MYO3A: variants seen among roughly 807,000 people sequenced by gnomAD.
MYO3A encodes myosin IIIA.
A neutral mutation model predicts 192.7 loss-of-function variants in MYO3A; 180 were observed. The observed-to-expected ratio is 0.93, with a 90% confidence interval of 0.83 to 1.06. MYO3A has a LOEUF of 1.06. Ranked by LOEUF, MYO3A falls within the 50% of genes least tolerant of loss-of-function variation. The probability of loss-of-function intolerance (pLI) is 0.00; values close to 1 mark genes in which losing one functional copy is unlikely to be tolerated. For synonymous variants in MYO3A, 628 were observed against 645.3 expected, an observed-to-expected ratio of 0.97 and a Z score of 0.41; for missense variants, 1,896 against 1,905.0, an observed-to-expected ratio of 1.00 and a Z score of 0.09.
chr10:26,203,336 T>G (rs1403666331), intron 34 of MYO3A, among the ~76,000 whole-genome samples: 1 of 152,116 alleles, frequency 6.6e-6, no homozygotes, highest in East Asian at 1.9e-4. Flanking sequence ...TTTCTTGGAG[T>G]AATTATTAAC....
At chr10:26,209,930 T>C (rs1844147570) in intron 34 of MYO3A, among the ~76,000 whole-genome samples, 1 of 151,964 alleles carries the variant, frequency 6.6e-6, no homozygotes. Flanking sequence ...ATCCTGTCTT[T>C]ACAAAAACAT....
chr10:26,140,412 G>A (rs1212590372), intron 20 of MYO3A, among the ~76,000 whole-genome samples: 1 of 152,130 alleles, frequency 6.6e-6, no homozygotes, highest in Non-Finnish European at 1.5e-5. Context: ...GGCTGGGCAC[G>A]GTGGCTCACG....
intron 10 of MYO3A, among the ~76,000 whole-genome samples, chr10:26,052,873 A>G (rs1196933810): frequency 6.6e-6 from 1 of 152,162 alleles, no homozygotes; most frequent in African/African-American, 2.4e-5. Context: ...ATAAAGCTAT[A>G]TTAACCACCC....
intron 22 of MYO3A, among the ~76,000 whole-genome samples, chr10:26,145,920 G>T (rs1840436594): frequency 6.6e-6 from 1 of 152,224 alleles, no homozygotes. Flanking sequence ...AGCTGGCAAT[G>T]GTTACCTATT....
chr10:26,145,827 T>C (rs1840431655), intron 22 of MYO3A, among the ~76,000 whole-genome samples: 1 of 152,158 alleles, frequency 6.6e-6, no homozygotes, highest in South Asian at 2.1e-4. Flanking sequence ...AAGTTTATAG[T>C]TTTTCTAGAG....
intron 15 of MYO3A, 52 bp from the exon 16 acceptor site, chr10:26,096,329 A>T: frequency 7.7e-7 from 1 of 1,295,412 alleles, no homozygotes; most frequent in Non-Finnish European, 1.1e-6. Flanking sequence ...CAAGTAACTT[A>T]AGCAAGAAAT....
In MYO3A at chr10:26,177,120, T is replaced by G. The variant is rs6415977; in HGVS notation, c.4438+275T>G. Among the ~76,000 whole-genome samples the G allele has an allele frequency of 0.84, 127,467 of 151,604 alleles. 53,987 individuals carry two copies. The highest frequency in any genetic ancestry group is 0.95 in the East Asian group (4,919 of 5,152). ...TGACGCCACAAGGGAATAAAAGGGG[T>G]TGGTATAGAGAGGGGGGCTGGCAGG... On this transcript the variant is annotated intron_variant, in intron 31 of 34. Coordinates refer to ENST00000642920, the MANE Select transcript of MYO3A (RefSeq NM_017433.5).
rs143371522 is a variant in MYO3A, at chr10:26,157,365, G to T, written c.2849G>T (p.Arg950Leu). 1 of 1,614,074 alleles carries T rather than the reference G, an allele frequency of 6.2e-7. No homozygotes were observed. The highest frequency in any genetic ancestry group is 2.2e-5 in the East Asian group (1 of 44,868). Residue 950 changes from arginine to leucine, a missense_variant, in exon 26 of 35, where the codon CGT becomes CTT. Arg to Leu is a moderately radical substitution (Grantham distance 102, BLOSUM62 -2). Coordinates refer to ENST00000642920, the MANE Select transcript of MYO3A (RefSeq NM_017433.5). ...KMVVGQPHFV[R>L]CIKPNSERQA... ...GTGGTGGGCCAACCTCATTTTGTCC[G>T]TTGCATCAAACCAAATAGTGAGCGT...
At chr10:26,147,582 G>A (rs991986699) in intron 23 of MYO3A, 23 bp downstream of exon 23, 5 of 1,613,494 alleles carry the variant, frequency 3.1e-6, no homozygotes, top group East Asian at 4.5e-5. Context: ...TCCTTACCTG[G>A]AAGTTTTCTG....
At chr10:25,948,121 C>T (rs193059519) in intron 2 of MYO3A, among the ~76,000 whole-genome samples, 326 of 152,100 alleles carry the variant, frequency 2.1e-3, no homozygotes, top group African/African-American at 7.2e-3. Context: ...AGGGTGTGAA[C>T]CATGTCAATA....
chr10:26,193,580 A>G (rs182557254), intron 32 of MYO3A, among the ~76,000 whole-genome samples: 1 of 152,300 alleles, frequency 6.6e-6, no homozygotes, highest in African/African-American at 2.4e-5. Flanking sequence ...ATGAGCTGAT[A>G]TGAAAATATC....
Position 26,075,048 on chromosome 10 carries a change from G to A in MYO3A, c.1359+4647G>A, listed in dbSNP as rs80339630. On this transcript the variant is annotated intron_variant, in intron 14 of 34. Transcript: ENST00000642920. ...TGCCCCTGTCAAAAATCAGTTGACC[G>A]TAAATGTTTGGGTTTATTTGAGGGC... 9.1e-4 allele frequency among the ~76,000 whole-genome samples: 139 copies of A among 152,032 alleles called. 2 individuals are homozygous for A. The East Asian group carries it at 0.021, about 23-fold the overall frequency.
intron 34 of MYO3A, among the ~76,000 whole-genome samples, chr10:26,211,323 A>G (rs1329245296): frequency 6.6e-6 from 1 of 152,206 alleles, no homozygotes; most frequent in African/African-American, 2.4e-5. Context: ...GCCTCATTGA[A>G]AACATTGAAA....
Position 26,176,734 on chromosome 10 carries a change from C to A in MYO3A, c.4327C>A (p.Gln1443Lys), listed in dbSNP as rs770343132. The change falls in exon 31 of 35, where the codon CAG becomes AAG. Residue 1443 changes from glutamine to lysine, a missense_variant. Transcript: ENST00000642920. ...GTTATCTGAAGAATATTTCATTCTGCAGAAAAAATTGAATGAAATGATTTT... is the reference window on the plus strand; with the variant it reads ...GTTATCTGAAGAATATTTCATTCTGAAGAAAAAATTGAATGAAATGATTTT... ...SKLSEEYFIL[Q>K]KKLNEMILSQ... 3.1e-6 allele frequency: 5 copies of A among 1,610,694 alleles called. No homozygotes were observed. In the Admixed American group the frequency reaches 8.3e-5, roughly 27 times the overall value.
At position 26,097,222 on chromosome 10, in the gene MYO3A, C is replaced by T. The variant is rs1837093727; in HGVS notation, c.1776+540C>T. 2.0e-5 allele frequency among the ~76,000 whole-genome samples: 3 copies of T among 152,032 alleles called. No individual in the cohort carries two copies. In the South Asian group the frequency reaches 6.2e-4, roughly 32 times the overall value. On this transcript the variant is annotated intron_variant, in intron 17 of 34. Coordinates refer to ENST00000642920, the MANE Select transcript of MYO3A (RefSeq NM_017433.5). Reference sequence around the variant, plus strand: ...GCAATTCTGACTTCATCCCTACTTTCTATCACTATAAATCTGCTTTTTCTG... The same window carrying T: ...GCAATTCTGACTTCATCCCTACTTTTTATCACTATAAATCTGCTTTTTCTG...
intron 18 of MYO3A, among the ~76,000 whole-genome samples, chr10:26,122,724 TCTC>T (rs989098948): frequency 5.3e-5 from 8 of 151,996 alleles, no homozygotes; most frequent in Admixed American, 2.0e-4. Context: ...TCCTTCTCCT[TCTC>T]CTCCTTCTCC....
intron 4 of MYO3A, among the ~76,000 whole-genome samples, chr10:25,959,104 G>C (rs780255519): frequency 6.6e-6 from 1 of 151,984 alleles, no homozygotes; most frequent in African/African-American, 2.4e-5. Context: ...GAATCATGTC[G>C]TCTGCAAACA....
chr10:26,051,034 G>A lies in MYO3A; in HGVS notation c.954-15941G>A, dbSNP rs139971183. Among the ~76,000 whole-genome samples the A allele has an allele frequency of 2.4e-3, 368 of 152,142 alleles. 2 individuals are homozygous for A. Among genetic ancestry groups the A allele is most frequent in the African/African-American group, 8.5e-3 (351 of 41,504 alleles). On this transcript the variant is annotated intron_variant, in intron 10 of 34. Coordinates refer to ENST00000642920, the MANE Select transcript of MYO3A (RefSeq NM_017433.5). ...CTTCTGTTGTTTGAATATGTAATCC[G>A]TGCATATTAAAATAGTGCACAGCTG...
Position 26,094,834 on chromosome 10 carries a change from C to G in MYO3A, c.1563-1547C>G, listed in dbSNP as rs145307795. Among the ~76,000 whole-genome samples, 687 of 152,258 alleles carry G rather than the reference C, an allele frequency of 4.5e-3. 5 individuals carry two copies. The highest frequency in any genetic ancestry group is 0.016 in the African/African-American group (652 of 41,562). Reference sequence around the variant, plus strand: ...TGGAATGTTTTTAAATCCTTTCTTACCTTTTAAGTAAAATAATTTGCGTGT... The same window carrying G: ...TGGAATGTTTTTAAATCCTTTCTTAGCTTTTAAGTAAAATAATTTGCGTGT... On this transcript the variant is annotated intron_variant, in intron 15 of 34. Coordinates refer to ENST00000642920, the MANE Select transcript of MYO3A (RefSeq NM_017433.5).
Sources: allele counts gnomAD v4.1 joint callset (sites outside exome capture counted in the v4.1 genomes callset), GRCh38; gene constraint gnomAD v4.1.1; transcripts MANE v1.5; gene names NCBI Gene and HGNC (gene_info 2026-07-23, HGNC 2026-07-21).